Variants in NBEA observed in about 807,000 individuals in gnomAD.
The protein encoded by NBEA is lysosomal-trafficking regulator 2.
A neutral mutation model predicts 343.4 loss-of-function variants in NBEA; 44 were observed. The observed-to-expected ratio is 0.13, with a 90% CI of 0.10 to 0.16. The LOEUF (loss-of-function observed/expected upper bound fraction) is 0.16. NBEA is among the 10% of genes least tolerant of loss of function. NBEA has a pLI of 1.00. For missense variants in NBEA, 2,555 were observed against 3,631.3 expected (o/e 0.70, Z 7.62); for synonymous variants, 1,175 against 1,238.7 (o/e 0.95, Z 1.08).
chr13:35,130,011 G>A (rs1267043078), intron 17 of NBEA, among the ~76,000 whole-genome samples: 5 of 152,156 alleles, frequency 3.3e-5, no homozygotes, highest in African/African-American at 1.2e-4. Flanking sequence ...GATGAATAGA[G>A]TGATGATTTA....
At chr13:35,278,214 G>A (rs1307664356) in intron 34 of NBEA, among the ~76,000 whole-genome samples, 2 of 150,874 alleles carry the variant, frequency 1.3e-5, no homozygotes, top group Non-Finnish European at 3.0e-5. Context: ...GGAGAGTTTG[G>A]GTGTAGAAAG....
intron 34 of NBEA, among the ~76,000 whole-genome samples, chr13:35,287,610 T>G (rs1357652824): frequency 6.6e-6 from 1 of 152,112 alleles, no homozygotes; most frequent in Non-Finnish European, 1.5e-5. Flanking sequence ...AAGCTATTGC[T>G]TTTTGTCCCC....
chr13:35,021,976 GTTAC>G (rs1434542463), intron 1 of NBEA, among the ~76,000 whole-genome samples: 1 of 152,060 alleles, frequency 6.6e-6, no homozygotes, highest in Non-Finnish European at 1.5e-5. Context: ...GTCTGATGAA[GTTAC>G]TTACATTTCT....
At chr13:35,643,633 T>TA (rs1236591905) in intron 49 of NBEA, among the ~76,000 whole-genome samples, 3 of 152,302 alleles carry the variant, frequency 2.0e-5, no homozygotes, top group African/African-American at 7.2e-5. Flanking sequence ...AATTGTGTGT[T>TA]AAAATCTATA....
intron 33 of NBEA, among the ~76,000 whole-genome samples, chr13:35,213,000 A>G (rs561650266): frequency 6.6e-6 from 1 of 152,080 alleles, no homozygotes; most frequent in Admixed American, 6.6e-5. Flanking sequence ...TTTGATCAAC[A>G]GAAGTTGTAA....
chr13:35,124,456 A>C (rs1380929302), intron 17 of NBEA, among the ~76,000 whole-genome samples: 1 of 150,852 alleles, frequency 6.6e-6, no homozygotes, highest in African/African-American at 2.4e-5. Context: ...AATAGTTCAA[A>C]CAAAGCCAGG....
At chr13:35,186,029 C>T (rs916678951) in intron 30 of NBEA, 3 of 152,074 alleles carry the variant, frequency 2.0e-5, no homozygotes, top group Non-Finnish European at 2.9e-5. Flanking sequence ...ATCGGCCCAG[C>T]TCGGTGGTGC....
intron 47 of NBEA, among the ~76,000 whole-genome samples, chr13:35,605,250 G>A (rs1170562721): frequency 3.9e-5 from 6 of 152,072 alleles, no homozygotes; most frequent in Admixed American, 3.9e-4. Flanking sequence ...TTTTCTTATG[G>A]CTCACAGTGA....
intron 35 of NBEA, among the ~76,000 whole-genome samples, chr13:35,298,119 A>G (rs9593063): frequency 0.014 from 2,162 of 150,974 alleles, 44 homozygotes; most frequent in African/African-American, 0.05. Context: ...TCTTACAGTA[A>G]AATAAGCTAG....
chr13:35,441,044 T>A (rs2045711923), intron 39 of NBEA, among the ~76,000 whole-genome samples: 1 of 152,216 alleles, frequency 6.6e-6, no homozygotes, highest in Non-Finnish European at 1.5e-5. Context: ...TTAGATAATC[T>A]GTATCAGCAC....
intron 35 of NBEA, among the ~76,000 whole-genome samples, chr13:35,301,087 C>A (rs572135907): frequency 6.6e-6 from 1 of 152,056 alleles, no homozygotes; most frequent in East Asian, 1.9e-4. Flanking sequence ...ATTTTATAGT[C>A]CCTTTTCTGT....
In NBEA at chr13:35,423,074, A is replaced by G. The variant is rs554969051; in HGVS notation, c.6180-9195A>G. 7.2e-5 allele frequency among the ~76,000 whole-genome samples: 11 copies of G among 152,266 alleles called. No individual in the cohort carries two copies. The East Asian group carries it at 1.5e-3, about 21-fold the overall frequency. The stretch of plus-strand genomic sequence containing the variant: ...CCCTTTGTCAGATGAGTAGGTTGCA[A>G]AAATTTTCTCCCATTCTGTAGGTTG... On this transcript the variant is annotated intron_variant, in intron 38 of 58. Transcript: ENST00000379939.
At chr13:35,381,827 C>T (rs893667218) in intron 38 of NBEA, among the ~76,000 whole-genome samples, 11 of 152,108 alleles carry the variant, frequency 7.2e-5, no homozygotes, top group Admixed American at 2.0e-4. Flanking sequence ...TAATGAAATT[C>T]TTCACCTTCA....
At chr13:35,301,007 C>T (rs2036503029) in intron 35 of NBEA, among the ~76,000 whole-genome samples, 1 of 152,004 alleles carries the variant, frequency 6.6e-6, no homozygotes, top group Non-Finnish European at 1.5e-5. Context: ...AATTATTAAA[C>T]ATGCTTTAAA....
intron 1 of NBEA, among the ~76,000 whole-genome samples, chr13:34,984,138 A>G (rs1593361976): frequency 6.6e-6 from 1 of 152,246 alleles, no homozygotes; most frequent in African/African-American, 2.4e-5. Flanking sequence ...GGTATTGCCT[A>G]GGTTTTCTTC....
intron 18 of NBEA, among the ~76,000 whole-genome samples, chr13:35,149,088 C>T (rs749316719): frequency 7.2e-5 from 11 of 152,224 alleles, no homozygotes; most frequent in East Asian, 3.9e-4. Context: ...CTTAATATTC[C>T]GACTTTGTGT....
intron 6 of NBEA, among the ~76,000 whole-genome samples, chr13:35,053,996 A>G (rs2063155320): frequency 6.6e-6 from 1 of 152,146 alleles, no homozygotes; most frequent in African/African-American, 2.4e-5. Flanking sequence ...CTTCCTGCCC[A>G]GTACATTATC....
intron 40 of NBEA, among the ~76,000 whole-genome samples, chr13:35,464,249 C>G (rs773745137): frequency 2.0e-4 from 31 of 152,198 alleles, no homozygotes; most frequent in Non-Finnish European, 4.1e-4. Context: ...CAAAGTCTGA[C>G]ATTCAAGTAT....
At position 35,051,734 on chromosome 13, in the gene NBEA, T is replaced by A. The variant is rs1189601610; in HGVS notation, c.972+1339T>A. Reference sequence around the variant, plus strand: ...GAATTAAGGTGAGACCAAGATAGTTTGCTAAAAGTGCCAAATTATTTTGAA... The same window carrying A: ...GAATTAAGGTGAGACCAAGATAGTTAGCTAAAAGTGCCAAATTATTTTGAA... On this transcript the variant is annotated intron_variant, in intron 6 of 58. Coordinates refer to ENST00000379939, the MANE Select transcript of NBEA (RefSeq NM_001385012.1). Among the ~76,000 whole-genome samples the A allele has an allele frequency of 2.0e-5, 3 of 152,058 alleles. No homozygotes were observed. The East Asian group carries it at 5.8e-4, about 29-fold the overall frequency.
Sources: gnomAD v4.1 joint callset for allele counts (sites outside exome capture counted in the v4.1 genomes callset) on GRCh38, gnomAD v4.1.1 for gene constraint, MANE v1.5 for transcripts, NCBI Gene and HGNC (gene_info 2026-07-23, HGNC 2026-07-21) for gene names.